The following SYNRG variants were observed in gnomAD, a reference collection of about 807,000 sequenced individuals.
SYNRG encodes AP1 gamma subunit binding protein 1.
A neutral mutation model predicts 130.9 loss-of-function variants in SYNRG; 37 were observed. The ratio of observed to expected loss-of-function variants is 0.28; its 90% CI spans 0.22 to 0.37. The LOEUF (loss-of-function observed/expected upper bound fraction) is 0.37, where lower values mean the gene tolerates loss of function less well. Among genes scored for constraint, SYNRG ranks in the 10% least tolerant of loss-of-function variants. The probability of loss-of-function intolerance (pLI) is 1.00; values close to 1 mark genes in which losing one functional copy is unlikely to be tolerated. For missense variants in SYNRG, 1,338 were observed against 1,588.9 expected, an observed-to-expected ratio of 0.84 and a Z score of 2.68; for synonymous variants, 539 against 568.1, an observed-to-expected ratio of 0.95 and a Z score of 0.73.
chr17:37,576,575 A>C, intron 7 of SYNRG, 157 bp from the exon 8 acceptor site: 1 of 577,412 alleles, frequency 1.7e-6, no homozygotes, highest in Non-Finnish European at 2.9e-6. Flanking sequence ...CCGATTCAGA[A>C]TAAAATATTT....
chr17:37,544,336 T>C (rs2058068127), intron 14 of SYNRG, among the ~76,000 whole-genome samples: 1 of 151,620 alleles, frequency 6.6e-6, no homozygotes, highest in South Asian at 2.1e-4. Context: ...TTTTTTGAGA[T>C]GGAGTTTCAC....
intron 4 of SYNRG, 74 bp downstream of exon 4, chr17:37,586,345 G>A: frequency 6.3e-7 from 1 of 1,580,544 alleles, no homozygotes; most frequent in South Asian, 1.1e-5. Context: ...ATCTGCACTA[G>A]AGATCATTAG....
chr17:37,551,135 C>G (rs1422080627), intron 14 of SYNRG, among the ~76,000 whole-genome samples: 1 of 152,174 alleles, frequency 6.6e-6, no homozygotes, highest in Non-Finnish European at 1.5e-5. Flanking sequence ...TCTTCATCAG[C>G]TCACTTCTTA....
chr17:37,590,114 T>G (rs2062032567), intron 3 of SYNRG, among the ~76,000 whole-genome samples: 1 of 148,792 alleles, frequency 6.7e-6, no homozygotes, highest in Non-Finnish European at 1.5e-5. Flanking sequence ...GCAGCTGCAG[T>G]GAGCTGAGAT....
chr17:37,596,228 T>G lies in SYNRG; in HGVS notation c.235A>C (p.Met79Leu), dbSNP rs748214106. ...SSQMSQGPIA[M>L]QAGIPMGPMP... ...CCAACTAAAGAAGCAAGTACCTGCATAGCAATAGGTCCTTGGGACATCTGA... is the reference window on the plus strand; with the variant it reads ...CCAACTAAAGAAGCAAGTACCTGCAGAGCAATAGGTCCTTGGGACATCTGA... The change falls in exon 3 of 22, where the codon ATG becomes CTG. Residue 79 changes from methionine to leucine, a missense_variant. This residue lies in a region of SYNRG where 184 missense variants were observed against 217.2 expected (regional missense o/e 0.85). Transcript: ENST00000612223. The G allele has an allele frequency of 6.8e-6, 11 of 1,613,700 alleles. No homozygotes were observed. The highest frequency in any genetic ancestry group is 8.5e-6 in the Non-Finnish European group (10 of 1,179,738).
chr17:37,566,397 G>A (rs1307225531), intron 11 of SYNRG, among the ~76,000 whole-genome samples: 4 of 146,450 alleles, frequency 2.7e-5, no homozygotes, highest in East Asian at 2.0e-4. Context: ...GATTAAGGGC[G>A]GTGCAAGATG....
At chr17:37,561,438 A>G (rs757033161) in intron 12 of SYNRG, 33 bp downstream of exon 12, 22 of 1,563,752 alleles carry the variant, frequency 1.4e-5, no homozygotes, top group Non-Finnish European at 1.9e-5. Context: ...GCAATTTAGC[A>G]TTCACAAGTT....
At chr17:37,545,529 CTT>C (rs1419537780) in intron 14 of SYNRG, among the ~76,000 whole-genome samples, 1 of 152,146 alleles carries the variant, frequency 6.6e-6, no homozygotes, top group Non-Finnish European at 1.5e-5. Flanking sequence ...AAGAAAATGT[CTT>C]TTGAAAAACT....
Position 37,584,776 on chromosome 17 carries a change from A to G in SYNRG, c.478-17T>C. 1 of 1,575,760 alleles carries G rather than the reference A, an allele frequency of 6.3e-7. No homozygotes were observed. Among genetic ancestry groups the G allele is most frequent in the Non-Finnish European group, 8.7e-7 (1 of 1,147,070 alleles). ...CTCTCCTGTCTAAGAGACAACAAAT[A>G]TATGCGTATTTCTTTACTTATCCCT... On this transcript the variant is annotated splice_polypyrimidine_tract_variant and intron_variant, in intron 5 of 21. Transcript: ENST00000612223.
Position 37,586,534 on chromosome 17 carries a change from C to G in SYNRG, c.256G>C (p.Gly86Arg), listed in dbSNP as rs1389407176. ...PIAMQAGIPM[G>R]PMPAAGMPYL... is the part of the protein sequence containing the mutation. ...GGCATTCCCGCTGCTGGCATTGGTC[C>G]CATTGGTATTCCTGCCTAGAAGAAA... The change falls in exon 4 of 22, where the codon GGA becomes CGA. Residue 86 changes from glycine (G) to arginine (R), a missense_variant. Coordinates refer to ENST00000612223, the MANE Select transcript of SYNRG (RefSeq NM_007247.6). 16 of 1,613,952 alleles carry G rather than the reference C, an allele frequency of 9.9e-6. No homozygotes were observed. The highest frequency in any genetic ancestry group is 1.3e-5 in the Non-Finnish European group (15 of 1,179,974).
At chr17:37,544,471 C>T (rs1455186630) in intron 14 of SYNRG, among the ~76,000 whole-genome samples, 4 of 152,164 alleles carry the variant, frequency 2.6e-5, no homozygotes, top group Non-Finnish European at 2.9e-5. Flanking sequence ...GCCGCCACCA[C>T]GCCTGGCTAG....
Position 37,570,905 on chromosome 17 carries a change from A to C in SYNRG, c.1099-20T>G, listed in dbSNP as rs761155777. 1 of 1,605,666 alleles carries C rather than the reference A, an allele frequency of 6.2e-7. No individual in the cohort carries two copies. The highest frequency in any genetic ancestry group is 1.1e-5 in the South Asian group (1 of 90,100). On this transcript the variant is annotated intron_variant, in intron 9 of 21. Transcript: ENST00000612223. ...GCCCCTCTACAAATGATAGAAAGAAAATGGATTAGAGGATTGTAAACCACA... is the reference window on the plus strand; with the variant it reads ...GCCCCTCTACAAATGATAGAAAGAACATGGATTAGAGGATTGTAAACCACA...
intron 4 of SYNRG, 112 bp downstream of exon 4, chr17:37,586,307 A>T: frequency 4.1e-6 from 6 of 1,461,406 alleles, no homozygotes; most frequent in South Asian, 2.7e-5. Flanking sequence ...AGAGTTTTAA[A>T]GACAACTTTT....
In SYNRG at chr17:37,570,902, G is replaced by T. The variant is rs1034914105; in HGVS notation, c.1099-17C>A. The T allele has an allele frequency of 1.3e-5, 21 of 1,606,224 alleles. No individual in the cohort carries two copies. The highest frequency in any genetic ancestry group is 1.6e-5 in the Non-Finnish European group (19 of 1,176,602). On this transcript the variant is annotated splice_polypyrimidine_tract_variant and intron_variant, in intron 9 of 21. Coordinates refer to ENST00000612223, the MANE Select transcript of SYNRG (RefSeq NM_007247.6). ...AACGCCCCTCTACAAATGATAGAAA[G>T]AAAATGGATTAGAGGATTGTAAACC...
At chr17:37,525,827 G>A (rs1030899168) in intron 19 of SYNRG, among the ~76,000 whole-genome samples, 7 of 152,326 alleles carry the variant, frequency 4.6e-5, no homozygotes, top group East Asian at 3.9e-4. Context: ...TTAGCCAGGT[G>A]TGGTGGCGCT....
intron 6 of SYNRG, among the ~76,000 whole-genome samples, chr17:37,582,918 A>C (rs1480273660): frequency 6.6e-6 from 1 of 152,186 alleles, no homozygotes; most frequent in Non-Finnish European, 1.5e-5. Flanking sequence ...ACAATCTATA[A>C]AGAGAAATTT....
In SYNRG at chr17:37,568,795, T is replaced by A; in HGVS notation, c.1477A>T (p.Asn493Tyr). The change falls in exon 11 of 22, where the codon AAC (asparagine) becomes TAC (tyrosine). Residue 493 changes from asparagine to tyrosine, a missense_variant. Around this residue, in one of 3 missense-constraint regions of SYNRG, gnomAD observed 1,146 missense variants for 1,342.3 expected, o/e 0.85. Coordinates refer to ENST00000612223, the MANE Select transcript of SYNRG (RefSeq NM_007247.6). ...ATATATTAAACTCTTTTCTACCTGT[T>A]TCCATGCTGGGAGTTACTTGTTTTT... ...SSKTSNSQHG[N>Y]SAPSLLMPLP... 2 of 1,613,780 alleles carry A rather than the reference T, an allele frequency of 1.2e-6. No homozygotes were observed. The highest frequency in any genetic ancestry group is 1.7e-6 in the Non-Finnish European group (2 of 1,179,908).
intron 8 of SYNRG, among the ~76,000 whole-genome samples, chr17:37,576,050 T>A (rs1341330570): frequency 6.6e-6 from 1 of 151,260 alleles, no homozygotes; most frequent in Non-Finnish European, 1.5e-5. Context: ...AAATATTTGA[T>A]AATGTCCATT....
intron 14 of SYNRG, among the ~76,000 whole-genome samples, chr17:37,546,651 G>A (rs1238536980): frequency 6.6e-6 from 1 of 152,178 alleles, no homozygotes; most frequent in African/African-American, 2.4e-5. Context: ...GACACAGACG[G>A]CCAAGCTCAT....
Sources: gnomAD v4.1 joint callset for allele counts (sites outside exome capture counted in the v4.1 genomes callset) on GRCh38, gnomAD v4.1.1 for gene constraint, gnomAD v4.1.1 regional missense constraint, MANE v1.5 for transcripts, NCBI Gene and HGNC (gene_info 2026-07-23, HGNC 2026-07-21) for gene names.